CFAP54: variants seen among roughly 807,000 people sequenced by gnomAD.
CFAP54 encodes cilia- and flagella-associated protein 54.
In CFAP54, 290 loss-of-function variants were observed where a neutral mutation model predicts 370.4. That is an observed-to-expected ratio of 0.78 (90% CI 0.71 to 0.86). The LOEUF (loss-of-function observed/expected upper bound fraction) is 0.86. CFAP54 is among the 40% of genes least tolerant of loss of function. The pLI is 0.00. For missense variants in CFAP54, 3,399 were observed against 3,528.7 expected (o/e 0.96, Z 0.93); for synonymous variants, 1,206 against 1,236.5 (o/e 0.98, Z 0.52).
At chr12:96,865,335 T>C (rs1959975002) in intron 67 of CFAP54, among the ~76,000 whole-genome samples, 1 of 152,174 alleles carries the variant, frequency 6.6e-6, no homozygotes, top group African/African-American at 2.4e-5. Context: ...TCTGGATTCA[T>C]CTCAAAAGCA....
intron 30 of CFAP54, among the ~76,000 whole-genome samples, 159 bp downstream of exon 30, chr12:96,627,098 T>C (rs1417612847): frequency 6.6e-6 from 1 of 152,054 alleles, no homozygotes. Context: ...TGTAAATAAA[T>C]AACTAAAAAT....
rs182647155 is a variant in CFAP54 at position 96,676,361 on chromosome 12, T to C, written c.5564-3239T>C. ...AAGGTAACTATCTCATATTATTATA[T>C]GTGGGGGCTTCCAGCTTTCCTCCTT... On this transcript the variant is annotated intron_variant, in intron 39 of 67. Transcript: ENST00000524981. 1.8e-4 allele frequency among the ~76,000 whole-genome samples: 27 copies of C among 152,316 alleles called. No individual in the cohort carries two copies. In the East Asian group the frequency reaches 5.0e-3, roughly 28 times the overall value.
At chr12:96,732,641 C>T (rs184454260) in intron 50 of CFAP54, among the ~76,000 whole-genome samples, 24 of 152,252 alleles carry the variant, frequency 1.6e-4, no homozygotes, top group African/African-American at 3.6e-4. Flanking sequence ...CAAATGTCGA[C>T]GGAGCTCTTT....
intron 9 of CFAP54, among the ~76,000 whole-genome samples, chr12:96,528,935 C>G (rs1448512083): frequency 1.3e-5 from 2 of 152,068 alleles, no homozygotes; most frequent in African/African-American, 4.8e-5. Flanking sequence ...CTAAATTCAG[C>G]TTTAGCTATG....
chr12:96,799,360 C>T (rs1225548047), intron 63 of CFAP54, among the ~76,000 whole-genome samples: 1 of 152,188 alleles, frequency 6.6e-6, no homozygotes, highest in African/African-American at 2.4e-5. Flanking sequence ...CCGTGTTCAG[C>T]ATTTTTATTT....
chr12:96,865,265 G>C (rs1018484431), intron 67 of CFAP54, among the ~76,000 whole-genome samples: 22 of 152,126 alleles, frequency 1.4e-4, no homozygotes, highest in African/African-American at 5.3e-4. Context: ...TTACAAATAA[G>C]TAAATAATGA....
At chr12:96,702,207 A>G (rs1324555543) in intron 46 of CFAP54, among the ~76,000 whole-genome samples, 2 of 151,552 alleles carry the variant, frequency 1.3e-5, no homozygotes, top group African/African-American at 4.9e-5. Flanking sequence ...GAGATGGGGA[A>G]TACTGCTCCA....
At chr12:96,841,997 A>C (rs548925558) in intron 66 of CFAP54, among the ~76,000 whole-genome samples, 3 of 152,232 alleles carry the variant, frequency 2.0e-5, no homozygotes, top group African/African-American at 7.2e-5. Context: ...CATTCAATAC[A>C]TTGTGGTCAT....
chr12:96,662,873 T>C (rs1462998211), intron 38 of CFAP54, among the ~76,000 whole-genome samples: 1 of 152,132 alleles, frequency 6.6e-6, no homozygotes, highest in Non-Finnish European at 1.5e-5. Flanking sequence ...CACACTATCA[T>C]ATTTACAACT....
In CFAP54 at chr12:96,650,035, A is replaced by G. The variant is rs746056000; in HGVS notation, c.4835A>G (p.His1612Arg). The G allele has an allele frequency of 1.2e-6, 2 of 1,612,872 alleles. No homozygotes were observed. The highest frequency in any genetic ancestry group is 1.1e-5 in the South Asian group (1 of 90,576). ...DRGANLCVMDHFMKIFLYCRR... is the reference protein window; with the variant it reads ...DRGANLCVMDRFMKIFLYCRR... ...GGAGCAAATTTGTGTGTAATGGATC[A>G]TTTTATGAAAATCTTTTTATACTGC... is the stretch of plus-strand genomic sequence containing the variant. Residue 1612 changes from histidine to arginine, a missense_variant, in exon 35 of 68, where the codon CAT becomes CGT. His to Arg is a conservative substitution (Grantham distance 29). Around this residue, in one of 3 missense-constraint regions of CFAP54, gnomAD observed 2,796 missense variants for 2,869.7 expected, o/e 0.97. Transcript: ENST00000524981.
At chr12:96,637,448 C>T (rs1251537137) in intron 32 of CFAP54, among the ~76,000 whole-genome samples, 1 of 152,148 alleles carries the variant, frequency 6.6e-6, no homozygotes, top group Non-Finnish European at 1.5e-5. Flanking sequence ...CCTTTTCTAA[C>T]TTTCAAAGTA....
chr12:96,542,583 C>T (rs1165233173), intron 14 of CFAP54, among the ~76,000 whole-genome samples: 1 of 152,152 alleles, frequency 6.6e-6, no homozygotes, highest in Non-Finnish European at 1.5e-5. Context: ...TTCATCTCTC[C>T]CTGCAACGTT....
At chr12:96,600,724 G>T (rs2136443670) in intron 26 of CFAP54, among the ~76,000 whole-genome samples, 1 of 152,266 alleles carries the variant, frequency 6.6e-6, no homozygotes, top group South Asian at 2.1e-4. Context: ...TGTAGCATTT[G>T]TGAATGGGAG....
chr12:96,762,894 C>T (rs1426863179), intron 58 of CFAP54, among the ~76,000 whole-genome samples: 8 of 152,056 alleles, frequency 5.3e-5, no homozygotes, highest in South Asian at 4.2e-4. Flanking sequence ...GCCACATTTA[C>T]GCCTTATACT....
intron 4 of CFAP54, among the ~76,000 whole-genome samples, chr12:96,508,287 CTTT>C (rs35129940): frequency 2.1e-4 from 25 of 118,052 alleles, no homozygotes; most frequent in African/African-American, 2.0e-4. Flanking sequence ...TCTCAATAAT[CTTT>C]TTTTTTTTTT....
chr12:96,840,622 C>CTTTTTTTTTTTTTTTTTTTTTTA (rs1491169613), intron 66 of CFAP54, among the ~76,000 whole-genome samples: 1 of 67,026 alleles, frequency 1.5e-5, no homozygotes, highest in Non-Finnish European at 3.8e-5. Context: ...TTCTCTGTTT[C>CTTTTTTTTTTTTTTTTTTTTTTA]TTTCTTTTTT....
intron 42 of CFAP54, among the ~76,000 whole-genome samples, chr12:96,686,278 GGAT>G (rs1957328799): frequency 6.6e-6 from 1 of 152,120 alleles, no homozygotes; most frequent in African/African-American, 2.4e-5. Context: ...CAGTCATATT[GGAT>G]TAGGGCCCAC....
chr12:96,859,282 A>G (rs147555496), intron 66 of CFAP54, among the ~76,000 whole-genome samples: 1,722 of 152,336 alleles, frequency 0.011, 30 homozygotes, highest in African/African-American at 0.038. Flanking sequence ...TAGCTTATGC[A>G]TGTGGAAATT....
chr12:96,547,706 T>C (rs1253459307), intron 14 of CFAP54, among the ~76,000 whole-genome samples, 196 bp from the exon 15 acceptor site: 2 of 152,194 alleles, frequency 1.3e-5, no homozygotes, highest in Non-Finnish European at 2.9e-5. Context: ...GCATAAAGTT[T>C]TTTATGATTA....
Sources: gnomAD v4.1 joint callset for allele counts (sites outside exome capture counted in the v4.1 genomes callset) on GRCh38, gnomAD v4.1.1 for gene constraint, gnomAD v4.1.1 regional missense constraint, MANE v1.5 for transcripts, NCBI Gene and HGNC (gene_info 2026-07-23, HGNC 2026-07-21) for gene names.